DDR1: variants seen among roughly 807,000 people sequenced by gnomAD.
DDR1 encodes discoidin domain receptor tyrosine kinase 1.
In DDR1, 64 loss-of-function variants were observed where a neutral mutation model predicts 97.4. The ratio of observed to expected loss-of-function variants is 0.66; its 90% CI spans 0.54 to 0.81. The LOEUF is 0.81. DDR1 is among the 30% of genes least tolerant of loss of function. DDR1 has a pLI of 0.00. For synonymous variants in DDR1, 458 were observed against 503.7 expected (o/e 0.91, Z 1.21); for missense variants, 990 against 1,259.6 (o/e 0.79, Z 3.24).
intron 16 of DDR1, 84 bp from the exon 17 acceptor site, chr6:30,898,804 G>A: frequency 2.1e-6 from 3 of 1,453,890 alleles, no homozygotes; most frequent in Admixed American, 1.8e-5. Flanking sequence ...GCCCAGAGTG[G>A]ATCTGGGGCT....
intron 16 of DDR1, 61 bp from the exon 17 acceptor site, chr6:30,898,827 G>T: frequency 6.5e-7 from 1 of 1,549,334 alleles, no homozygotes; most frequent in Non-Finnish European, 8.8e-7. Context: ...CAATAGGAAG[G>T]GAGGAGGGTC....
rs567207394 is a variant in DDR1 at position 30,894,156 on chromosome 6, T to C, written c.1348-350T>C. On this transcript the variant is annotated intron_variant, in intron 10 of 17. Coordinates refer to ENST00000376568, the MANE Select transcript of DDR1 (RefSeq NM_001297654.2). This position sits in a 1 kb window ranked among gnomAD's most constrained non-coding sequence, Gnocchi z 5.7. The stretch of plus-strand genomic sequence containing the variant: ...CCCAGCTACTCAGGAGGCTGAGGCA[T>C]GAATCTCTTGAACCTGGGAGGCGAA... Among the ~76,000 whole-genome samples, 49 of 151,574 alleles carry C rather than the reference T, an allele frequency of 3.2e-4. No individual in the cohort carries two copies. The highest frequency in any genetic ancestry group is 5.6e-4 in the Non-Finnish European group (38 of 67,858).
intron 10 of DDR1, among the ~76,000 whole-genome samples, chr6:30,893,636 C>T (rs895888921): frequency 1.3e-5 from 2 of 152,240 alleles, no homozygotes; most frequent in Non-Finnish European, 1.5e-5. Flanking sequence ...GCAAATACCA[C>T]GACCCAGAGG....
Position 30,891,109 on chromosome 6 carries a change from G to A in DDR1, c.554G>A (p.Cys185Tyr). 1 of 1,612,978 alleles carries A rather than the reference G, an allele frequency of 6.2e-7. No individual in the cohort carries two copies. Among genetic ancestry groups the A allele is most frequent in the East Asian group, 2.2e-5 (1 of 44,876 alleles). Residue 185 changes from cysteine (C) to tyrosine (Y), a missense_variant, in exon 5 of 18, where the codon TGC (cysteine) becomes TAC (tyrosine). By Grantham distance (194) the Cys-to-Tyr change is radical. Coordinates refer to ENST00000376568, the MANE Select transcript of DDR1 (RefSeq NM_001297654.2). The surrounding 1 kb of genome is among the most constrained non-coding windows in gnomAD (Gnocchi z 5.3). ...SVCLRVELYG[C>Y]LWRDGLLSYT... ...TGTCTGCGGGTAGAGCTCTATGGCT[G>A]CCTCTGGAGGGGTGAGTGGCTCAGC...
rs1264321 is a variant in DDR1, at chr6:30,891,567, G to T, written c.665+88G>T. ...TGTGTGTGTGTGTGTGAGAGTGTGT[G>T]TGTGTAGGGGGGCTGGTAAGTAGGG... On this transcript the variant is annotated intron_variant, in intron 6 of 17. Transcript: ENST00000376568. This position sits in a 1 kb window ranked among gnomAD's most constrained non-coding sequence, Gnocchi z 5.3. The T allele has an allele frequency of 1.3e-4, 119 of 927,102 alleles. No individual in the cohort carries two copies. Among genetic ancestry groups the T allele is most frequent in the Middle Eastern group, 2.2e-4 (1 of 4,574 alleles). The allele number at this position is 927,102 out of a possible 1,614,324, so 57.4% of individuals were successfully genotyped here.
Position 30,897,295 on chromosome 6 carries a change from G to A in DDR1, c.1998-84G>A. Reference sequence around the variant, plus strand: ...GGGGGTGGGGACGCCTGGTCTGCCTGAGGTGGGGCAGGGGGGTGGGGGCGC... The same window carrying A: ...GGGGGTGGGGACGCCTGGTCTGCCTAAGGTGGGGCAGGGGGGTGGGGGCGC... On this transcript the variant is annotated intron_variant, in intron 14 of 17. Transcript: ENST00000376568. The surrounding 1 kb of genome is among the most constrained non-coding windows in gnomAD (Gnocchi z 5.2). The A allele has an allele frequency of 7.0e-7, 1 of 1,438,622 alleles. No homozygotes were observed. Among genetic ancestry groups the A allele is most frequent in the South Asian group, 1.3e-5 (1 of 79,112 alleles). The allele number at this position is 1,438,622 out of a possible 1,614,324, so 89.1% of individuals were successfully genotyped here.
At position 30,896,625 on chromosome 6, in the gene DDR1, C is replaced by T. The variant is rs971126327; in HGVS notation, c.1629C>T (p.Tyr543=). The change falls in exon 13 of 18, where the codon TAC becomes TAT. Residue 543 remains tyrosine (Y), a synonymous_variant. Coordinates refer to ENST00000376568, the MANE Select transcript of DDR1 (RefSeq NM_001297654.2). ...AWAKPTNTQA[Y]SGDYMEPEKP... is the part of the protein sequence containing the mutation. ...TCTTTCCCCTCACCCCTGCAGCCTA[C>T]AGTGGGGACTATATGGAGCCTGAGA... is the stretch of plus-strand genomic sequence containing the variant. 1.9e-6 allele frequency: 3 copies of T among 1,613,366 alleles called. No homozygotes were observed. Among genetic ancestry groups the T allele is most frequent in the East Asian group, 2.2e-5 (1 of 44,844 alleles).
chr6:30,885,186 C>T (rs762228504), intron 1 of DDR1: 3 of 1,531,522 alleles, frequency 2.0e-6, no homozygotes, highest in Middle Eastern at 1.7e-4. Flanking sequence ...CCACTCTTCC[C>T]GGCTGGATGG....
chr6:30,895,314 C>G (rs1790305320), intron 11 of DDR1, 90 bp from the exon 12 acceptor site: 2 of 898,256 alleles, frequency 2.2e-6, no homozygotes, highest in Non-Finnish European at 3.5e-6. Context: ...ATCCCATCAG[C>G]CCTGGTCTTG....
upstream of DDR1, chr6:30,883,788 AGAG>A (rs1784731063): frequency 6.6e-6 from 1 of 152,606 alleles, no homozygotes; most frequent in African/African-American, 2.4e-5. The surrounding 1 kb of genome is among the most constrained non-coding windows in gnomAD (Gnocchi z 4.9). Context: ...AGAGGAACTG[AGAG>A]GAGAAGGAGA....
Position 30,889,014 on chromosome 6 carries a change from C to T in DDR1, c.188+4C>T, listed in dbSNP as rs1238828752. The T allele has an allele frequency of 1.2e-6, 2 of 1,612,846 alleles. No homozygotes were observed. The highest frequency in any genetic ancestry group is 1.7e-6 in the Non-Finnish European group (2 of 1,179,946). On this transcript the variant is annotated splice_donor_region_variant and intron_variant, in intron 3 of 17. Coordinates refer to ENST00000376568, the MANE Select transcript of DDR1 (RefSeq NM_001297654.2). This position sits in a 1 kb window ranked among gnomAD's most constrained non-coding sequence, Gnocchi z 4.9. ...CCACTGCCGCCCGCCACAGCAGGTA[C>T]TTGGCACACCTGGCACACTTGTAGC... is the stretch of plus-strand genomic sequence containing the variant.
rs977221050 is a variant in DDR1, at chr6:30,896,998, G to A, written c.1870-16G>A. On this transcript the variant is annotated splice_polypyrimidine_tract_variant and intron_variant, in intron 13 of 17. Coordinates refer to ENST00000376568, the MANE Select transcript of DDR1 (RefSeq NM_001297654.2). ...TTGACCCTGTGACCGCCTAGCAAAC[G>A]AACTTCTTTCTCCAGGTGCACCTGT... 1.6e-5 allele frequency: 25 copies of A among 1,606,062 alleles called. No homozygotes were observed. In the Admixed American group the frequency reaches 2.9e-4, roughly 18 times the overall value.
In DDR1 at chr6:30,889,109, G is replaced by A; in HGVS notation, c.189-93G>A. 2.5e-6 allele frequency: 4 copies of A among 1,572,918 alleles called. No individual in the cohort carries two copies. The highest frequency in any genetic ancestry group is 2.6e-6 in the Non-Finnish European group (3 of 1,144,888). ...CTCTGCCCATGCCAGTGAAACCCCT[G>A]CAGGCTGAGGGGGCAAATGAAGTGG... is the stretch of plus-strand genomic sequence containing the variant. On this transcript the variant is annotated intron_variant, in intron 3 of 17. Transcript: ENST00000376568. This position sits in a 1 kb window ranked among gnomAD's most constrained non-coding sequence, Gnocchi z 4.9.
At chr6:30,895,607 ACT>A in intron 12 of DDR1, 93 bp downstream of exon 12, 1 of 772,680 alleles carries the variant, frequency 1.3e-6, no homozygotes, top group Non-Finnish European at 2.1e-6. Context: ...TCCTCTCCCC[ACT>A]GTGGCCTATT....
intron 1 of DDR1, chr6:30,885,160 T>G: frequency 6.6e-7 from 1 of 1,519,776 alleles, no homozygotes; most frequent in South Asian, 1.2e-5. Flanking sequence ...ACTGCCACTC[T>G]AACCCACCAG....
upstream of DDR1, chr6:30,882,811 T>C (rs1440323685): frequency 1.3e-5 from 2 of 152,524 alleles, no homozygotes; most frequent in East Asian, 1.9e-4. The surrounding 1 kb of genome is among the most constrained non-coding windows in gnomAD (Gnocchi z 4.8). Flanking sequence ...TGACGGGCTG[T>C]AGCTTGCCTG....
In DDR1 at chr6:30,898,948, A is replaced by G. The variant is rs915758708; in HGVS notation, c.2512A>G (p.Met838Val). 5.0e-6 allele frequency: 8 copies of G among 1,613,940 alleles called. No homozygotes were observed. Among genetic ancestry groups the G allele is most frequent in the Admixed American group, 3.3e-5 (2 of 59,996 alleles). ...TGGTGTGACCCTGTGGGAGGTGCTG[A>G]TGCTCTGTAGGGCCCAGCCCTTTGG... Reference protein sequence around the residue: ...AFGVTLWEVLMLCRAQPFGQL... With the variant: ...AFGVTLWEVLVLCRAQPFGQL... Residue 838 changes from methionine to valine, a missense_variant, in exon 17 of 18, where the codon ATG becomes GTG. Transcript: ENST00000376568.
intron 13 of DDR1, 74 bp downstream of exon 13, chr6:30,896,939 G>A: frequency 6.4e-7 from 1 of 1,572,060 alleles, no homozygotes; most frequent in Admixed American, 1.7e-5. Flanking sequence ...CCCCTAGCCA[G>A]GAACCTTAGT....
At chr6:30,892,243 G>A in intron 7 of DDR1, 53 bp from the exon 8 acceptor site, 1 of 1,605,186 alleles carries the variant, frequency 6.2e-7, no homozygotes, top group Non-Finnish European at 8.5e-7. Context: ...GTGCCGTTGG[G>A]GTGCCCCCAC....
Sources: allele counts gnomAD v4.1 joint callset (sites outside exome capture counted in the v4.1 genomes callset), GRCh38; gene constraint gnomAD v4.1.1; non-coding constraint Gnocchi (gnomAD v3.1); transcripts MANE v1.5; gene names NCBI Gene and HGNC (gene_info 2026-07-23, HGNC 2026-07-21).